ZHX3: variants seen among roughly 807,000 people sequenced by gnomAD.
The protein encoded by ZHX3 is zinc fingers and homeoboxes 3.
ZHX3 carries 20 observed loss-of-function variants against 64.5 expected under a neutral mutation model. That is an observed-to-expected ratio of 0.31 (90% CI 0.22 to 0.45). The LOEUF (loss-of-function observed/expected upper bound fraction) is 0.45, where lower values mean the gene tolerates loss of function less well. Among genes scored for constraint, ZHX3 ranks in the 20% least tolerant of loss-of-function variants. The probability of loss-of-function intolerance (pLI) is 1.00; values close to 1 mark genes in which losing one functional copy is unlikely to be tolerated. For missense variants in ZHX3, 1,041 were observed against 1,195.8 expected (o/e 0.87, Z 1.91); for synonymous variants, 423 against 461.6 (o/e 0.92, Z 1.07).
intron 2 of ZHX3, among the ~76,000 whole-genome samples, chr20:41,237,267 A>T (rs2041068282): frequency 6.6e-6 from 1 of 152,254 alleles, no homozygotes; most frequent in Non-Finnish European, 1.5e-5. Flanking sequence ...TACTGGGTAT[A>T]TACCCAAAGG....
chr20:41,267,349 T>G (rs1321203254), intron 2 of ZHX3: 1 of 152,266 alleles, frequency 6.6e-6, no homozygotes, highest in Non-Finnish European at 1.5e-5. Flanking sequence ...TTTAAGATAC[T>G]TCCTCCACAA....
intron 1 of ZHX3, chr20:41,316,774 C>T (rs930941663): frequency 1.3e-5 from 2 of 152,282 alleles, no homozygotes; most frequent in African/African-American, 4.8e-5. Context: ...AGTCCTACAT[C>T]CCATCCACTC....
Position 41,237,038 on chromosome 20 carries a change from C to A in ZHX3, c.-151+31952G>T, listed in dbSNP as rs1377820779. On this transcript the variant is annotated intron_variant, in intron 2 of 3. Coordinates refer to ENST00000683867, the MANE Select transcript of ZHX3 (RefSeq NM_001384317.1). ...TGCTCATCATCACTGGCTATCAGAGCAATGCAAATCAAAACCACAATGAGA... is the reference window on the plus strand; with the variant it reads ...TGCTCATCATCACTGGCTATCAGAGAAATGCAAATCAAAACCACAATGAGA... Among the ~76,000 whole-genome samples, 9 of 152,252 alleles carry A rather than the reference C, an allele frequency of 5.9e-5. No homozygotes were observed. In the East Asian group the frequency reaches 1.4e-3, roughly 23 times the overall value.
rs550840339 is a variant in ZHX3 at position 41,253,803 on chromosome 20, G to A, written c.-151+15187C>T. Among the ~76,000 whole-genome samples the A allele has an allele frequency of 7.9e-5, 12 of 152,252 alleles. No homozygotes were observed. The East Asian group carries it at 1.9e-3, about 24-fold the overall frequency. ...TGAAATAGTGAGGGGGGAATGCATC[G>A]AAAATACTATGACAGATGACTAGAT... On this transcript the variant is annotated intron_variant, in intron 2 of 3. Transcript: ENST00000683867.
chr20:41,273,451 T>C (rs1322609248), intron 1 of ZHX3, among the ~76,000 whole-genome samples: 2 of 152,210 alleles, frequency 1.3e-5, no homozygotes, highest in African/African-American at 4.8e-5. Flanking sequence ...TCCAAGGTCA[T>C]GAAGATTTAC....
chr20:41,202,316 G>A lies in ZHX3; in HGVS notation c.2601C>T (p.Asn867=), dbSNP rs140529538. 1 of 1,614,166 alleles carries A rather than the reference G, an allele frequency of 6.2e-7. No individual in the cohort carries two copies. The highest frequency in any genetic ancestry group is 8.5e-7 in the Non-Finnish European group (1 of 1,180,038). ...AGCTCATCTGGGTCTTGTCACAGAGGTTCTGCAGGTCCTCTTCATACAGCA... is the reference window on the plus strand; with the variant it reads ...AGCTCATCTGGGTCTTGTCACAGAGATTCTGCAGGTCCTCTTCATACAGCA... ...HKMLYEEDLQ[N]LCDKTQMSSQ... The change falls in exon 3 of 4, where the codon AAC becomes AAT. Residue 867 remains asparagine (N), a synonymous_variant. Coordinates refer to ENST00000683867, the MANE Select transcript of ZHX3 (RefSeq NM_001384317.1). This position sits in a 1 kb window ranked among gnomAD's most constrained non-coding sequence, Gnocchi z 7.0.
chr20:41,201,715 C>A lies in ZHX3; in HGVS notation c.2860+342G>T, dbSNP rs1251620711. Among the ~76,000 whole-genome samples, 2 of 152,178 alleles carry A rather than the reference C, an allele frequency of 1.3e-5. No individual in the cohort carries two copies. The highest frequency in any genetic ancestry group is 2.9e-5 in the Non-Finnish European group (2 of 68,038). ...CTCATGTCCTGTTGCTGTCTCCTAC[C>A]CAGTGGCTGTGGATCTGCCCGACTC... On this transcript the variant is annotated intron_variant, in intron 3 of 3. Transcript: ENST00000683867. The surrounding 1 kb of genome is among the most constrained non-coding windows in gnomAD (Gnocchi z 5.0).
At position 41,182,234 on chromosome 20, in the gene ZHX3, T is replaced by G. The variant is rs1203320152; in HGVS notation, c.*2957A>C. 6.6e-6 allele frequency: 1 copy of G among 152,162 alleles called. No homozygotes were observed. Among genetic ancestry groups the G allele is most frequent in the Admixed American group, 6.5e-5 (1 of 15,280 alleles). 9.4% of individuals were successfully genotyped at this position (152,162 alleles called of 1,614,324 possible). A position where few individuals can be genotyped will look rare whatever the true frequency, so the allele number is the denominator to read the frequency against. ...TCAGCAACAAAAAAACACTAAAAGA[T>G]GATTTTACTATCTCTGACGAGTCCA... On this transcript the variant is annotated 3_prime_UTR_variant, in exon 4 of 4. Transcript: ENST00000683867. The surrounding 1 kb of genome is among the most constrained non-coding windows in gnomAD (Gnocchi z 6.1).
chr20:41,273,759 T>G (rs1398418249), intron 1 of ZHX3, among the ~76,000 whole-genome samples: 1 of 152,236 alleles, frequency 6.6e-6, no homozygotes, highest in African/African-American at 2.4e-5. Context: ...GTAGTATCTT[T>G]TGAAATTGGG....
At chr20:41,277,678 G>A (rs1292797798) in intron 1 of ZHX3, among the ~76,000 whole-genome samples, 14 of 149,952 alleles carry the variant, frequency 9.3e-5, no homozygotes, top group Admixed American at 6.6e-4. Context: ...TGCAAGCTCC[G>A]CCTCCCGGGT....
At chr20:41,290,980 T>C (rs113910140) in intron 1 of ZHX3, among the ~76,000 whole-genome samples, 9 of 152,316 alleles carry the variant, frequency 5.9e-5, no homozygotes, top group African/African-American at 1.9e-4. Flanking sequence ...GCCTACAACT[T>C]TGGGGAGCTT....
chr20:41,262,619 A>G (rs1378753858), intron 2 of ZHX3, among the ~76,000 whole-genome samples: 1 of 152,196 alleles, frequency 6.6e-6, no homozygotes, highest in Non-Finnish European at 1.5e-5. Flanking sequence ...TGATTTGCAC[A>G]TCATGCCACC....
intron 1 of ZHX3, among the ~76,000 whole-genome samples, chr20:41,316,571 AT>A (rs1407826445): frequency 2.0e-5 from 3 of 152,228 alleles, no homozygotes; most frequent in Non-Finnish European, 4.4e-5. Context: ...ATGAATAAAC[AT>A]TTAGGATATC....
intron 1 of ZHX3, among the ~76,000 whole-genome samples, chr20:41,299,463 T>C (rs113280885): frequency 6.6e-5 from 10 of 151,810 alleles, no homozygotes; most frequent in African/African-American, 1.9e-4. Flanking sequence ...AAGAAAGTGA[T>C]TCAACATTAT....
In ZHX3 at chr20:41,180,699, A is replaced by AC. The variant is rs1170182926; in HGVS notation, c.*4491dup. 1 of 152,026 alleles carries AC rather than the reference A, an allele frequency of 6.6e-6. No homozygotes were observed. Among genetic ancestry groups the AC allele is most frequent in the Non-Finnish European group, 1.5e-5 (1 of 68,048 alleles). The allele number at this position is 152,026 out of a possible 1,614,324, so 9.4% of individuals were successfully genotyped here. A position where few individuals can be genotyped will look rare whatever the true frequency, so the allele number is the denominator to read the frequency against. ...GAGACCACTTGGTTAGCCCTGCCCC[A>AC]CCCCTCCTGGTGTGACCTGGCACTG... On this transcript the variant is annotated 3_prime_UTR_variant, in exon 4 of 4. Transcript: ENST00000683867.
At chr20:41,214,291 T>G (rs1170921719) in intron 2 of ZHX3, among the ~76,000 whole-genome samples, 1 of 152,106 alleles carries the variant, frequency 6.6e-6, no homozygotes, top group Non-Finnish European at 1.5e-5. Flanking sequence ...CTCATTTCAC[T>G]CATAATAAAC....
At chr20:41,196,495 T>A (rs186210652) in intron 3 of ZHX3, among the ~76,000 whole-genome samples, 28 of 64,400 alleles carry the variant, frequency 4.3e-4, no homozygotes, top group Non-Finnish European at 7.9e-4. Context: ...TAAATATATA[T>A]TATATATTAT....
chr20:41,204,506 G>A lies in ZHX3; in HGVS notation c.411C>T (p.Ser137=), dbSNP rs775415394. 5 of 1,614,182 alleles carry A rather than the reference G, an allele frequency of 3.1e-6. No individual in the cohort carries two copies. The South Asian group carries it at 5.5e-5, about 18-fold the overall frequency. The change falls in exon 3 of 4, where the codon AGC becomes AGT. Residue 137 remains serine, a synonymous_variant. Transcript: ENST00000683867. The surrounding 1 kb of genome is among the most constrained non-coding windows in gnomAD (Gnocchi z 6.6). ...CTGGCTTGGCCACGTTCCACACAAA[G>A]CTGGCTTCCCCGGAGTGACATGTGG... ...HNATCHSGEA[S]FVWNVAKPDN... is the part of the protein sequence containing the mutation.
At chr20:41,241,286 C>A (rs560695336) in intron 2 of ZHX3, among the ~76,000 whole-genome samples, 39 of 152,140 alleles carry the variant, frequency 2.6e-4, no homozygotes, top group Non-Finnish European at 5.0e-4. Context: ...TTTTCCTATG[C>A]CCGTTTGCCA....
Sources: allele counts gnomAD v4.1 joint callset (sites outside exome capture counted in the v4.1 genomes callset), GRCh38; gene constraint gnomAD v4.1.1; non-coding constraint Gnocchi (gnomAD v3.1); transcripts MANE v1.5; gene names NCBI Gene and HGNC (gene_info 2026-07-23, HGNC 2026-07-21).